FANCI: variants seen among roughly 807,000 people sequenced by gnomAD.
FANCI encodes Fanconi anemia group I protein.
FANCI carries 156 observed loss-of-function variants against 176.1 expected under a neutral mutation model. The ratio of observed to expected loss-of-function variants is 0.89; its 90% CI spans 0.78 to 1.01. The LOEUF is 1.01. FANCI is among the 50% of genes least tolerant of loss of function. The probability of loss-of-function intolerance (pLI) is 0.00; values close to 1 mark genes in which losing one functional copy is unlikely to be tolerated. For synonymous variants in FANCI, 613 were observed against 541.7 expected (o/e 1.13, Z -1.83); for missense variants, 1,678 against 1,534.1 (o/e 1.09, Z -1.57).
At chr15:89,305,551 T>C (rs553420247) in intron 30 of FANCI, 54 bp from the exon 31 acceptor site, 38 of 1,605,680 alleles carry the variant, frequency 2.4e-5, no homozygotes, top group Non-Finnish European at 3.1e-5. Flanking sequence ...ACAGTTATTA[T>C]ATTACCCCCA....
intron 10 of FANCI, among the ~76,000 whole-genome samples, chr15:89,271,218 T>C (rs749170755): frequency 1.3e-4 from 20 of 152,198 alleles, no homozygotes; most frequent in Non-Finnish European, 2.8e-4. Flanking sequence ...TGATTTTTTT[T>C]CATAAATTTA....
chr15:89,298,958 G>A (rs1137410), intron 24 of FANCI, among the ~76,000 whole-genome samples: 7,745 of 152,132 alleles, frequency 0.051, 538 homozygotes, highest in African/African-American at 0.16. Context: ...ATCACCTGAG[G>A]TCAGCAGTTC....
rs1375877085 is a variant in FANCI, at chr15:89,303,925, C to G, written c.3058+10C>G. 7 of 1,613,370 alleles carry G rather than the reference C, an allele frequency of 4.3e-6. No individual in the cohort carries two copies. In the Admixed American group the frequency reaches 5.0e-5, roughly 12 times the overall value. Reference sequence around the variant, plus strand: ...AAGGAAAACAGCCGGGGTAAGTTTACTGCCATGTTTTCCTAAAGGCTTTAT... The same window carrying G: ...AAGGAAAACAGCCGGGGTAAGTTTAGTGCCATGTTTTCCTAAAGGCTTTAT... On this transcript the variant is annotated intron_variant, in intron 28 of 37. Coordinates refer to ENST00000310775, the MANE Select transcript of FANCI (RefSeq NM_001113378.2).
intron 10 of FANCI, among the ~76,000 whole-genome samples, chr15:89,269,822 T>C (rs914022991): frequency 2.0e-5 from 3 of 152,044 alleles, no homozygotes; most frequent in Non-Finnish European, 4.4e-5. Context: ...GATTTGTTTT[T>C]TTTTTTTGGA....
At chr15:89,283,482 C>T (rs969334087) in intron 17 of FANCI, among the ~76,000 whole-genome samples, 1 of 152,070 alleles carries the variant, frequency 6.6e-6, no homozygotes, top group Admixed American at 6.5e-5. Flanking sequence ...AGCCACTGTC[C>T]TCAGTGTGGC....
At chr15:89,285,407 C>T (rs373076515) in intron 18 of FANCI, among the ~76,000 whole-genome samples, 189 bp downstream of exon 18, 4 of 152,300 alleles carry the variant, frequency 2.6e-5, no homozygotes, top group South Asian at 2.1e-4. Context: ...GTAATCCCAA[C>T]ACCTTGTGAG....
Position 89,316,872 on chromosome 15 carries a change from T to C in FANCI, c.*413T>C. 7.3e-7 allele frequency: 1 copy of C among 1,378,240 alleles called. No homozygotes were observed. Among genetic ancestry groups the C allele is most frequent in the Non-Finnish European group, 1.0e-6 (1 of 964,622 alleles). The allele number at this position is 1,378,240 out of a possible 1,614,324, so 85.4% of individuals were successfully genotyped here. ...GGTTAGGATGCCACCTCAAGAACTG[T>C]AACTGAGAGCTCAGAAGTGAGCAAA... On this transcript the variant is annotated 3_prime_UTR_variant, in exon 38 of 38. Transcript: ENST00000310775.
At position 89,306,069 on chromosome 15, in the gene FANCI, C is replaced by T. The variant is rs750518034; in HGVS notation, c.3412C>T (p.Leu1138=). 1.2e-6 allele frequency: 2 copies of T among 1,614,224 alleles called. No individual in the cohort carries two copies. The highest frequency in any genetic ancestry group is 1.7e-6 in the Non-Finnish European group (2 of 1,180,040). The part of the protein sequence containing the change: ...QPVEKAIIMQ[L]GTLLTFFHEL... ...TGTTGAGAAAGCTATCATCATGCAA[C>T]TGGGAACTCTGCTTACATTTTTCCA... The change falls in exon 32 of 38, where the codon CTG becomes TTG. Residue 1138 remains leucine (L), a synonymous_variant. Coordinates refer to ENST00000310775, the MANE Select transcript of FANCI (RefSeq NM_001113378.2).
At chr15:89,305,887 A>G in intron 31 of FANCI, 120 bp from the exon 32 acceptor site, 1 of 1,119,988 alleles carries the variant, frequency 8.9e-7, no homozygotes, top group Non-Finnish European at 1.3e-6. Context: ...CACTCTGCAT[A>G]TTGAATGTTC....
intron 6 of FANCI, among the ~76,000 whole-genome samples, chr15:89,262,911 A>T (rs993630673): frequency 1.2e-4 from 19 of 152,152 alleles, no homozygotes; most frequent in Non-Finnish European, 2.5e-4. Context: ...TTTAATTTTA[A>T]ATAGAGATGG....
intron 3 of FANCI, chr15:89,259,012 G>T (rs2052610671): frequency 4.0e-6 from 2 of 495,188 alleles, no homozygotes; most frequent in Non-Finnish European, 7.4e-6. Context: ...TATAATTACA[G>T]AATGTGCTTT....
At chr15:89,304,443 A>T (rs1264272884) in intron 28 of FANCI, among the ~76,000 whole-genome samples, 1 of 152,216 alleles carries the variant, frequency 6.6e-6, no homozygotes, top group African/African-American at 2.4e-5. Context: ...CGTTTAGATG[A>T]AGTTCAAAAT....
chr15:89,278,236 A>G (rs146856433), intron 13 of FANCI, among the ~76,000 whole-genome samples: 271 of 152,344 alleles, frequency 1.8e-3, no homozygotes, highest in Non-Finnish European at 2.9e-3. Context: ...AAAATTCAGA[A>G]TGGGTCTTTT....
chr15:89,264,098 C>A, intron 8 of FANCI, 72 bp downstream of exon 8: 1 of 1,566,242 alleles, frequency 6.4e-7, no homozygotes. Flanking sequence ...TTATTCATAC[C>A]CTTGGTTTAT....
Position 89,316,965 on chromosome 15 carries a change from C to T in FANCI, c.*506C>T. The T allele has an allele frequency of 1.4e-6, 1 of 721,798 alleles. No individual in the cohort carries two copies. Among genetic ancestry groups the T allele is most frequent in the Non-Finnish European group, 2.5e-6 (1 of 393,104 alleles). The allele number at this position is 721,798 out of a possible 1,614,324, so 44.7% of individuals were successfully genotyped here. On this transcript the variant is annotated 3_prime_UTR_variant, in exon 38 of 38. Transcript: ENST00000310775. ...ACAATTGCCACGAACGGTAATGTTACATGTTAGGAGGGTCTGTTTTCTTTT... is the reference window on the plus strand; with the variant it reads ...ACAATTGCCACGAACGGTAATGTTATATGTTAGGAGGGTCTGTTTTCTTTT...
rs550144289 is a variant in FANCI, at chr15:89,313,430, G to A, written c.3720+458G>A. Among the ~76,000 whole-genome samples, 5 of 152,104 alleles carry A rather than the reference G, an allele frequency of 3.3e-5. No individual in the cohort carries two copies. In the South Asian group the frequency reaches 6.2e-4, roughly 19 times the overall value. On this transcript the variant is annotated intron_variant, in intron 35 of 37. Coordinates refer to ENST00000310775, the MANE Select transcript of FANCI (RefSeq NM_001113378.2). ...TGAACCAAAAACATGTTTTATTCACGAAGCACCAGAAAATCTTGAGTTGAA... is the reference window on the plus strand; with the variant it reads ...TGAACCAAAAACATGTTTTATTCACAAAGCACCAGAAAATCTTGAGTTGAA...
At chr15:89,279,995 A>G (rs1196072732) in intron 14 of FANCI, among the ~76,000 whole-genome samples, 2 of 152,060 alleles carry the variant, frequency 1.3e-5, no homozygotes, top group African/African-American at 2.4e-5. Flanking sequence ...AATCATCAAT[A>G]TGTTCTTTAG....
chr15:89,286,080 T>A (rs187949665), intron 18 of FANCI, among the ~76,000 whole-genome samples: 161 of 152,046 alleles, frequency 1.1e-3, no homozygotes, highest in African/African-American at 3.8e-3. Context: ...ATCCTCCATC[T>A]CCTGGGTTCA....
intron 6 of FANCI, 113 bp from the exon 7 acceptor site, chr15:89,263,306 C>A: frequency 1.3e-6 from 1 of 797,852 alleles, no homozygotes. Flanking sequence ...TCTTGTTTCT[C>A]GGTATTGCAA....
Sources: gnomAD v4.1 joint callset for allele counts (sites outside exome capture counted in the v4.1 genomes callset) on GRCh38, gnomAD v4.1.1 for gene constraint, MANE v1.5 for transcripts, NCBI Gene and HGNC (gene_info 2026-07-23, HGNC 2026-07-21) for gene names.